The following PRKRA variants were observed in gnomAD, a reference collection of about 807,000 sequenced individuals.
PRKRA encodes the protein protein activator of interferon induced protein kinase EIF2AK2.
In PRKRA, 22 loss-of-function variants were observed where a neutral mutation model predicts 32.4. That is an observed-to-expected ratio of 0.68 (90% confidence interval 0.49 to 0.97). PRKRA has a LOEUF of 0.97. Among genes scored for constraint, PRKRA ranks in the 50% least tolerant of loss-of-function variants. The probability of loss-of-function intolerance (pLI) is 0.00; values close to 1 mark genes in which losing one functional copy is unlikely to be tolerated. For synonymous variants in PRKRA, 139 were observed against 129.8 expected (o/e 1.07, Z -0.48); for missense variants, 319 against 375.6 (o/e 0.85, Z 1.25).
rs1275322945 is a variant in PRKRA at position 178,432,004 on chromosome 2, A to G, written c.*93T>C. On this transcript the variant is annotated 3_prime_UTR_variant, in exon 8 of 8. Transcript: ENST00000325748. ...GAATCTATGAAGAGATTTAGAAACA[A>G]GACATAAACACTACGGTAAAAGTTT... 7.2e-7 allele frequency: 1 copy of G among 1,381,336 alleles called. No individual in the cohort carries two copies. Among genetic ancestry groups the G allele is most frequent in the African/African-American group, 1.5e-5 (1 of 68,518 alleles). 85.6% of individuals were successfully genotyped at this position (1,381,336 alleles called of 1,614,324 possible).
intron 6 of PRKRA, among the ~76,000 whole-genome samples, chr2:178,438,471 C>T (rs768726748): frequency 1.2e-4 from 19 of 152,196 alleles, no homozygotes; most frequent in East Asian, 3.8e-4. Context: ...TTAGCATCTA[C>T]GCCTGGATTC....
At chr2:178,439,659 G>C (rs1242402978) in intron 6 of PRKRA, 2 of 152,000 alleles carry the variant, frequency 1.3e-5, no homozygotes, top group Non-Finnish European at 2.9e-5. Flanking sequence ...AAGTGGTGTT[G>C]GTGGGCGTCC....
At chr2:178,446,992 C>CAAAAAAAA (rs780283451) in intron 3 of PRKRA, among the ~76,000 whole-genome samples, 1 of 46,066 alleles carries the variant, frequency 2.2e-5, no homozygotes, top group African/African-American at 8.1e-5. Flanking sequence ...GACTCCGTCT[C>CAAAAAAAA]AAAAAAAAAA....
chr2:178,451,019 G>A lies in PRKRA; in HGVS notation c.12C>T (p.Ser4=), dbSNP rs1354628985. 2.6e-6 allele frequency: 4 copies of A among 1,556,610 alleles called. No individual in the cohort carries two copies. Among genetic ancestry groups the A allele is most frequent in the Non-Finnish European group, 3.5e-6 (4 of 1,156,690 alleles). The change falls in exon 1 of 8, where the codon AGC becomes AGT. Residue 4 remains serine (S), a synonymous_variant. Transcript: ENST00000325748. ...GCGGCGGGGCCTCGGCGCGGTGCCTGCTCTGGGACATGGCGAGAAGGGACG... is the reference window on the plus strand; with the variant it reads ...GCGGCGGGGCCTCGGCGCGGTGCCTACTCTGGGACATGGCGAGAAGGGACG... MSQ[S]RHRAEAPPLE... is the part of the protein sequence containing the mutation.
chr2:178,444,392 C>T (rs1697237793), intron 4 of PRKRA, 30 bp downstream of exon 4: 2 of 838,392 alleles, frequency 2.4e-6, no homozygotes, highest in Non-Finnish European at 3.4e-6. Flanking sequence ...TTATATATTT[C>T]ATCAGTAGGC....
At chr2:178,437,920 C>T (rs1477529372) in intron 6 of PRKRA, among the ~76,000 whole-genome samples, 3 of 152,032 alleles carry the variant, frequency 2.0e-5, no homozygotes, top group Non-Finnish European at 4.4e-5. Flanking sequence ...TGGCTTAACT[C>T]TCAAACTCTT....
At chr2:178,439,515 G>C (rs1373984876) in intron 6 of PRKRA, 1 of 152,018 alleles carries the variant, frequency 6.6e-6, no homozygotes, top group African/African-American at 2.4e-5. Flanking sequence ...TTTTTCTTTA[G>C]GGTTTTAAAG....
At chr2:178,436,433 G>T in intron 6 of PRKRA, 114 bp from the exon 7 acceptor site, 1 of 678,356 alleles carries the variant, frequency 1.5e-6, no homozygotes, top group Non-Finnish European at 2.4e-6. Flanking sequence ...TATAAAGCAT[G>T]TTTAAATGGA....
At position 178,451,125 on chromosome 2, in the gene PRKRA, C is replaced by T; in HGVS notation, c.-95G>A. 5 of 1,396,932 alleles carry T rather than the reference C, an allele frequency of 3.6e-6. No individual in the cohort carries two copies. Among genetic ancestry groups the T allele is most frequent in the South Asian group, 1.3e-5 (1 of 75,106 alleles). The allele number at this position is 1,396,932 out of a possible 1,614,324, so 86.5% of individuals were successfully genotyped here. A position where few individuals can be genotyped will look rare whatever the true frequency, so the allele number is the denominator to read the frequency against. ...TGGTCCCCGGGAGGAGCTCCAGCGC[C>T]GCCACCTCCTCCGACTCCCCCGCCT... On this transcript the variant is annotated 5_prime_UTR_variant, in exon 1 of 8. Transcript: ENST00000325748.
chr2:178,439,642 T>G (rs1198262294), intron 6 of PRKRA: 1 of 152,184 alleles, frequency 6.6e-6, no homozygotes, highest in Non-Finnish European at 1.5e-5. Context: ...AGAACAAGGT[T>G]AAATAAAAGT....
At position 178,436,226 on chromosome 2, in the gene PRKRA, T is replaced by C. The variant is rs1159247338; in HGVS notation, c.703A>G (p.Ser235Gly). ...KINLLKRSLL[S>G]IPNTDYIQLL... ...TGGATGTAATCTGTATTTGGAATAC[T>C]AAGGAGGCTTCTTTTCAGTAAGTTG... Residue 235 changes from serine to glycine, a missense_variant, in exon 7 of 8, where the codon AGT (serine) becomes GGT (glycine). Transcript: ENST00000325748. The C allele has an allele frequency of 2.5e-6, 4 of 1,613,030 alleles. No individual in the cohort carries two copies. The highest frequency in any genetic ancestry group is 3.3e-5 in the Admixed American group (2 of 60,032).
Position 178,444,566 on chromosome 2 carries a change from G to A in PRKRA, c.318-66C>T, listed in dbSNP as rs1697246099. On this transcript the variant is annotated intron_variant, in intron 3 of 7. Coordinates refer to ENST00000325748, the MANE Select transcript of PRKRA (RefSeq NM_003690.5). ...CCCCGAATTATGAAATAAATGACAAGCATTTTCTAATTAACTCTCTATGTC... is the reference window on the plus strand; with the variant it reads ...CCCCGAATTATGAAATAAATGACAAACATTTTCTAATTAACTCTCTATGTC... The A allele has an allele frequency of 7.0e-6, 7 of 1,000,718 alleles. No homozygotes were observed. In the South Asian group the frequency reaches 1.1e-4, roughly 16 times the overall value. 62.0% of individuals were successfully genotyped at this position (1,000,718 alleles called of 1,614,324 possible).
chr2:178,450,699 G>C (rs1181072079), intron 1 of PRKRA: 1 of 1,408,244 alleles, frequency 7.1e-7, no homozygotes, highest in South Asian at 1.6e-5. Context: ...GCCTCTCAGG[G>C]AAAACCTGAC....
At chr2:178,447,464 T>C (rs1697363852) in intron 3 of PRKRA, 41 bp downstream of exon 3, 2 of 1,294,738 alleles carry the variant, frequency 1.5e-6, no homozygotes, top group Non-Finnish European at 2.0e-6. Context: ...ACCTCAGCCA[T>C]GATATTTTTG....
At chr2:178,448,072 C>T (rs1256406424) in intron 2 of PRKRA, among the ~76,000 whole-genome samples, 2 of 152,166 alleles carry the variant, frequency 1.3e-5, no homozygotes, top group African/African-American at 4.8e-5. Flanking sequence ...TGTCCTATAA[C>T]GTATCAAACT....
chr2:178,444,514 A>T lies in PRKRA; in HGVS notation c.318-14T>A, dbSNP rs1213053097. ...GGAACTGCAAAGCTAAATATTTTTTAAAAGTGTTATAAAACAAAATAATTT... is the reference window on the plus strand; with the variant it reads ...GGAACTGCAAAGCTAAATATTTTTTTAAAGTGTTATAAAACAAAATAATTT... On this transcript the variant is annotated splice_polypyrimidine_tract_variant and intron_variant, in intron 3 of 7. Transcript: ENST00000325748. The T allele has an allele frequency of 1.5e-5, 11 of 738,912 alleles. No individual in the cohort carries two copies. The highest frequency in any genetic ancestry group is 4.0e-5 in the African/African-American group (2 of 49,952). The allele number at this position is 738,912 out of a possible 1,614,324, so 45.8% of individuals were successfully genotyped here. A position where few individuals can be genotyped will look rare whatever the true frequency, so the allele number is the denominator to read the frequency against.
intron 2 of PRKRA, among the ~76,000 whole-genome samples, chr2:178,449,242 A>G (rs894028032): frequency 1.3e-5 from 2 of 152,220 alleles, no homozygotes; most frequent in Non-Finnish European, 2.9e-5. Context: ...TAGCTAAAGT[A>G]AGTAATGCAG....
At chr2:178,450,677 A>T in intron 1 of PRKRA, 1 of 1,421,190 alleles carries the variant, frequency 7.0e-7, no homozygotes, top group Non-Finnish European at 9.2e-7. Context: ...CAGGGCTGGC[A>T]GCAGCGCCGC....
chr2:178,436,002 G>C (rs1195537822), intron 7 of PRKRA, 143 bp downstream of exon 7: 5 of 684,950 alleles, frequency 7.3e-6, no homozygotes, highest in Non-Finnish European at 1.2e-5. Flanking sequence ...TATATTACTG[G>C]CCTAGTAATT....
Sources: gnomAD v4.1 joint callset for allele counts (sites outside exome capture counted in the v4.1 genomes callset) on GRCh38, gnomAD v4.1.1 for gene constraint, MANE v1.5 for transcripts, NCBI Gene and HGNC (gene_info 2026-07-23, HGNC 2026-07-21) for gene names.